The following STARD13 variants were observed in gnomAD, a reference collection of about 807,000 sequenced individuals.
The protein encoded by STARD13 is stAR-related lipid transfer protein 13.
Under a neutral mutation model 106.4 loss-of-function variants are expected in STARD13, and 62 were observed. The ratio of observed to expected loss-of-function variants is 0.58; its 90% CI spans 0.48 to 0.72. The LOEUF is 0.72. Among genes scored for constraint, STARD13 ranks in the 30% least tolerant of loss-of-function variants. The pLI is 0.00. For missense variants in STARD13, 1,387 were observed against 1,424.0 expected (o/e 0.97, Z 0.42); for synonymous variants, 565 against 553.0 (o/e 1.02, Z -0.31).
the STARD13 span, among the ~76,000 whole-genome samples, chr13:33,498,596 CA>C: frequency 6.6e-6 from 1 of 152,128 alleles, no homozygotes; most frequent in African/African-American, 2.4e-5. Context: ...CCAAATTATA[CA>C]TATTAAATGA....
chr13:33,243,948 A>G (rs1347187620), intron 1 of STARD13, among the ~76,000 whole-genome samples: 1 of 151,666 alleles, frequency 6.6e-6, no homozygotes, highest in East Asian at 1.9e-4. Context: ...ACTTATTTGG[A>G]TGGGAATAGA....
At chr13:33,415,378 T>A in the STARD13 span, among the ~76,000 whole-genome samples, 3 of 151,972 alleles carry the variant, frequency 2.0e-5, no homozygotes, top group Non-Finnish European at 4.4e-5. Flanking sequence ...AAAAAATAAA[T>A]AAATAAATAA....
chr13:33,391,695 T>G, the STARD13 span, among the ~76,000 whole-genome samples: 1 of 152,074 alleles, frequency 6.6e-6, no homozygotes, highest in Admixed American at 6.6e-5. Flanking sequence ...GGCCATATGT[T>G]GTCAGCTTTG....
the STARD13 span, among the ~76,000 whole-genome samples, chr13:33,604,186 G>A: frequency 6.6e-6 from 1 of 152,162 alleles, no homozygotes; most frequent in African/African-American, 2.4e-5. Context: ...CCAAGAAATG[G>A]TGAAGAAATG....
chr13:33,202,864 T>C (rs900094926), intron 1 of STARD13, among the ~76,000 whole-genome samples: 8 of 152,148 alleles, frequency 5.3e-5, no homozygotes, highest in Admixed American at 5.2e-4. Flanking sequence ...GCTCACTTCC[T>C]CTTTCTGAGA....
chr13:33,106,999 G>A, intron 12 of STARD13, 65 bp from the exon 13 acceptor site: 1 of 1,470,678 alleles, frequency 6.8e-7, no homozygotes, highest in Non-Finnish European at 9.2e-7. Flanking sequence ...TGAACACAGA[G>A]CTAAGGTTTG....
intron 1 of STARD13, among the ~76,000 whole-genome samples, chr13:33,308,654 G>T (rs1004188740): frequency 6.6e-6 from 1 of 151,324 alleles, no homozygotes; most frequent in Non-Finnish European, 1.5e-5. Flanking sequence ...CTACTGAGTA[G>T]CTGGTATTAC....
the STARD13 span, among the ~76,000 whole-genome samples, chr13:33,568,062 A>G: frequency 6.7e-6 from 1 of 148,156 alleles, no homozygotes; most frequent in African/African-American, 2.5e-5. Context: ...AATAGTCAAT[A>G]TATTTTAAAG....
intron 1 of STARD13, among the ~76,000 whole-genome samples, chr13:33,187,462 A>T (rs1016743053): frequency 2.0e-5 from 3 of 152,220 alleles, no homozygotes; most frequent in African/African-American, 7.2e-5. Flanking sequence ...TCTTACATTT[A>T]TGAAAAGTCT....
At chr13:33,650,537 C>T in the STARD13 span, among the ~76,000 whole-genome samples, 5 of 150,096 alleles carry the variant, frequency 3.3e-5, no homozygotes, top group Admixed American at 2.1e-4. Flanking sequence ...AGCCTTTTGG[C>T]GCTTTAACTT....
At chr13:33,506,000 G>A in the STARD13 span, among the ~76,000 whole-genome samples, 8 of 152,090 alleles carry the variant, frequency 5.3e-5, no homozygotes, top group East Asian at 3.9e-4. Flanking sequence ...GGGTAAAACC[G>A]TTGGTGTCAC....
At chr13:33,152,280 G>A (rs1881381751) in intron 3 of STARD13, among the ~76,000 whole-genome samples, 1 of 152,148 alleles carries the variant, frequency 6.6e-6, no homozygotes, top group South Asian at 2.1e-4. Context: ...CTAGGACCCT[G>A]GAATTGAGAT....
intron 1 of STARD13, among the ~76,000 whole-genome samples, chr13:33,204,838 A>G (rs186831608): frequency 6.6e-6 from 1 of 152,372 alleles, no homozygotes; most frequent in Admixed American, 6.5e-5. Context: ...ATATTGGGCC[A>G]TAACACTGAG....
At chr13:33,346,255 C>G (rs182976322), downstream of STARD13, among the ~76,000 whole-genome samples, 1 of 152,200 alleles carries the variant, frequency 6.6e-6, no homozygotes, top group Non-Finnish European at 1.5e-5. Context: ...GCCACCCCAG[C>G]TGACAGCTTG....
At chr13:33,550,941 C>A in the STARD13 span, among the ~76,000 whole-genome samples, 2 of 152,354 alleles carry the variant, frequency 1.3e-5, no homozygotes, top group Non-Finnish European at 2.9e-5. Flanking sequence ...ACTTATACCA[C>A]CATCCAGTTT....
At chr13:33,219,409 G>C (rs909397842) in intron 1 of STARD13, among the ~76,000 whole-genome samples, 1 of 148,578 alleles carries the variant, frequency 6.7e-6, no homozygotes, top group Non-Finnish European at 1.5e-5. Flanking sequence ...GGATCCCAGT[G>C]CAAAATGAAA....
chr13:33,452,839 A>C, the STARD13 span, among the ~76,000 whole-genome samples: 1 of 152,260 alleles, frequency 6.6e-6, no homozygotes, highest in African/African-American at 2.4e-5. Flanking sequence ...ACAGCGATGT[A>C]TATCAACATG....
chr13:33,402,908 C>A, the STARD13 span, among the ~76,000 whole-genome samples: 7 of 152,238 alleles, frequency 4.6e-5, no homozygotes, highest in African/African-American at 1.7e-4. Flanking sequence ...CTCAATAAAA[C>A]CCCGCATTCA....
At chr13:33,644,467 G>C in the STARD13 span, among the ~76,000 whole-genome samples, 1 of 152,148 alleles carries the variant, frequency 6.6e-6, no homozygotes, top group Admixed American at 6.5e-5. Flanking sequence ...TTTGCACAGC[G>C]CACACACAGA....
Sources: gnomAD v4.1 joint callset for allele counts (sites outside exome capture counted in the v4.1 genomes callset) on GRCh38, gnomAD v4.1.1 for gene constraint, MANE v1.5 for transcripts, NCBI Gene and HGNC (gene_info 2026-07-23, HGNC 2026-07-21) for gene names.